The following ENPP2 variants were observed in gnomAD, a reference collection of about 807,000 sequenced individuals.
The protein encoded by ENPP2 is ectonucleotide pyrophosphatase/phosphodiesterase 2.
In ENPP2, 51 loss-of-function variants were observed where a neutral mutation model predicts 120.2. That is an observed-to-expected ratio of 0.42 (90% CI 0.34 to 0.54). The LOEUF (loss-of-function observed/expected upper bound fraction) is 0.54, where lower values mean the gene tolerates loss of function less well. Among genes scored for constraint, ENPP2 ranks in the 20% least tolerant of loss-of-function variants. ENPP2 has a pLI of 0.04. For missense variants in ENPP2, 920 were observed against 1,066.5 expected (o/e 0.86, Z 1.91); for synonymous variants, 365 against 366.4 (o/e 1.00, Z 0.04).
intron 19 of ENPP2, among the ~76,000 whole-genome samples, chr8:119,577,797 C>G (rs965606557): frequency 6.6e-6 from 1 of 152,116 alleles, no homozygotes; most frequent in Non-Finnish European, 1.5e-5. Flanking sequence ...TGTCAGTATT[C>G]AACAAATGCT....
chr8:119,586,418 G>A (rs770776429), intron 14 of ENPP2, 105 bp from the exon 15 acceptor site: 25 of 908,864 alleles, frequency 2.8e-5, no homozygotes, highest in Non-Finnish European at 4.0e-5. Flanking sequence ...CTAACCAAAG[G>A]TTAATGAGTG....
intron 1 of ENPP2, among the ~76,000 whole-genome samples, chr8:119,666,108 C>T (rs1009131613): frequency 1.3e-5 from 2 of 152,110 alleles, no homozygotes; most frequent in Admixed American, 6.5e-5. Context: ...TGGACAATTC[C>T]AATTTTAAGA....
intron 5 of ENPP2, among the ~76,000 whole-genome samples, chr8:119,618,928 A>C (rs1217594803): frequency 6.6e-6 from 1 of 152,092 alleles, no homozygotes; most frequent in African/African-American, 2.4e-5. Flanking sequence ...CTCCAGGAAA[A>C]ACAATACTGA....
At chr8:119,644,303 G>A (rs1003854767) in intron 1 of ENPP2, among the ~76,000 whole-genome samples, 7 of 151,938 alleles carry the variant, frequency 4.6e-5, no homozygotes, top group Non-Finnish European at 8.8e-5. Context: ...CTATGGCGGC[G>A]TGGAGAGGAA....
rs543456065 is a variant in ENPP2, at chr8:119,648,642, A to T, written c.22-10115T>A. 5.3e-5 allele frequency among the ~76,000 whole-genome samples: 8 copies of T among 152,340 alleles called. No individual in the cohort carries two copies. The South Asian group carries it at 1.7e-3, about 32-fold the overall frequency. On this transcript the variant is annotated intron_variant, in intron 1 of 25. Coordinates refer to the ENPP2 transcript ENST00000427067. Reference sequence around the variant, plus strand: ...GCACAATGGAACTCTCTCAGGGAGGAAGCAAAACTGCCATTTCTGTGATTC... The same window carrying T: ...GCACAATGGAACTCTCTCAGGGAGGTAGCAAAACTGCCATTTCTGTGATTC...
chr8:119,655,520 T>C (rs890036380), intron 1 of ENPP2, among the ~76,000 whole-genome samples: 1 of 152,248 alleles, frequency 6.6e-6, no homozygotes, highest in African/African-American at 2.4e-5. Flanking sequence ...GAACCCTCTC[T>C]GGACCTTCAT....
intron 20 of ENPP2, among the ~76,000 whole-genome samples, chr8:119,569,737 T>TC (rs1491132730): frequency 2.9e-5 from 3 of 102,636 alleles, no homozygotes; most frequent in Non-Finnish European, 3.9e-5. Context: ...AAATAGACTA[T>TC]TTATCTGTGT....
At chr8:119,591,382 G>A (rs1259444674) in intron 12 of ENPP2, among the ~76,000 whole-genome samples, 1 of 152,168 alleles carries the variant, frequency 6.6e-6, no homozygotes, top group Non-Finnish European at 1.5e-5. Flanking sequence ...CCCAAGATTT[G>A]TTGTGTGTCC....
intron 4 of ENPP2, among the ~76,000 whole-genome samples, chr8:119,620,921 GA>G (rs1815849588): frequency 1.3e-5 from 2 of 152,284 alleles, no homozygotes; most frequent in East Asian, 3.9e-4. Flanking sequence ...CTTGCCTCAA[GA>G]GTAGTGACCT....
rs774273515 is a variant in ENPP2, at chr8:119,587,066, T to C, written c.1217A>G (p.Lys406Arg). Residue 406 changes from lysine (K) to arginine (R), a missense_variant, in exon 14 of 25, where the codon AAA (lysine) becomes AGA (arginine). By Grantham distance (26) the Lys-to-Arg change is conservative. Transcript: ENST00000075322. ...KFSNNAKYDP[K>R]AIIANLTCKK... is the part of the protein sequence containing the mutation. ...TACCGTGAGATTGGCAATAATGGCT[T>C]TGGGGTCATCTGTTCAAAGAGAGGA... The C allele has an allele frequency of 1.9e-6, 3 of 1,608,714 alleles. No individual in the cohort carries two copies. In the South Asian group the frequency reaches 3.4e-5, roughly 18 times the overall value.
intron 1 of ENPP2, among the ~76,000 whole-genome samples, chr8:119,649,420 A>C (rs1428588028): frequency 1.3e-5 from 2 of 151,854 alleles, no homozygotes; most frequent in Admixed American, 6.6e-5. Flanking sequence ...AAAAAAGAAA[A>C]GAAAAGAAAA....
At chr8:119,594,780 A>G (rs1309166825) in intron 11 of ENPP2, among the ~76,000 whole-genome samples, 2 of 152,200 alleles carry the variant, frequency 1.3e-5, no homozygotes, top group Admixed American at 1.3e-4. Flanking sequence ...TAGCTTAGCT[A>G]ACAATCACAT....
At chr8:119,633,178 C>T (rs1269620171) in intron 2 of ENPP2, among the ~76,000 whole-genome samples, 1 of 152,206 alleles carries the variant, frequency 6.6e-6, no homozygotes, top group Non-Finnish European at 1.5e-5. Flanking sequence ...CAAAACATTA[C>T]TTGATCTAAG....
intron 1 of ENPP2, among the ~76,000 whole-genome samples, chr8:119,659,069 C>T (rs1007590148): frequency 6.6e-6 from 1 of 152,048 alleles, no homozygotes; most frequent in African/African-American, 2.4e-5. Context: ...AGTCCCAGCA[C>T]TTTGGAAGGC....
chr8:119,559,120 C>T (rs1408927725), intron 24 of ENPP2, among the ~76,000 whole-genome samples: 1 of 152,146 alleles, frequency 6.6e-6, no homozygotes, highest in African/African-American at 2.4e-5. Context: ...TAACCAAGAT[C>T]TCTGCGATTC....
At chr8:119,625,682 G>A (rs1309031005) in intron 3 of ENPP2, among the ~76,000 whole-genome samples, 1 of 152,214 alleles carries the variant, frequency 6.6e-6, no homozygotes, top group African/African-American at 2.4e-5. Context: ...CAGATAGTTT[G>A]TGTATGGTGT....
intron 18 of ENPP2, among the ~76,000 whole-genome samples, chr8:119,581,336 C>G (rs539128046): frequency 6.6e-6 from 1 of 152,032 alleles, no homozygotes; most frequent in South Asian, 2.1e-4. Context: ...GCACCACCAC[C>G]GCATCCTTGT....
chr8:119,663,479 T>G (rs1164280491), intron 1 of ENPP2, among the ~76,000 whole-genome samples: 1 of 152,240 alleles, frequency 6.6e-6, no homozygotes, highest in African/African-American at 2.4e-5. Context: ...TGGGGCATCC[T>G]GGGATTTTAT....
At position 119,582,581 on chromosome 8, in the gene ENPP2, G is replaced by A. The variant is rs759319621; in HGVS notation, c.1565C>T (p.Ala522Val). 4 of 1,612,898 alleles carry A rather than the reference G, an allele frequency of 2.5e-6. No homozygotes were observed. In the East Asian group the frequency reaches 8.9e-5, roughly 36 times the overall value. The change falls in exon 18 of 25, where the codon GCT becomes GTT. Residue 522 changes from alanine to valine, a missense_variant. Ala to Val is a moderately conservative substitution (Grantham distance 64). Transcript: ENST00000075322. Reference sequence around the variant, plus strand: ...ACTTCCATGGGTCCCATTATTAGGAGCTGGCTTCAATCCCAGGAGATCTAA... The same window carrying A: ...ACTTCCATGGGTCCCATTATTAGGAACTGGCTTCAATCCCAGGAGATCTAA... ...VMCDLLGLKP[A>V]PNNGTHGSLN...
Sources: allele counts gnomAD v4.1 joint callset (sites outside exome capture counted in the v4.1 genomes callset), GRCh38; gene constraint gnomAD v4.1.1; transcripts MANE v1.5; gene names NCBI Gene and HGNC (gene_info 2026-07-23, HGNC 2026-07-21).